Variants in PRH1 observed in about 807,000 individuals in gnomAD.
PRH1 encodes the protein salivary acidic proline-rich phosphoprotein 1/2.
A neutral mutation model predicts 7.9 loss-of-function variants in PRH1; 7 were observed. That is an observed-to-expected ratio of 0.89 (90% CI 0.50 to 1.67). The LOEUF is 1.67. PRH1 is among the 40% of genes most tolerant of loss of function. The pLI, the probability that PRH1 is intolerant of heterozygous loss-of-function variation, is 0.00. For synonymous variants in PRH1, 45 were observed against 80.8 expected (o/e 0.56, Z 2.38); for missense variants, 109 against 223.6 (o/e 0.49, Z 3.27).
intron 2 of PRH1, among the ~76,000 whole-genome samples, chr12:10,900,579 G>A (rs529945993): frequency 4.6e-5 from 7 of 152,294 alleles, no homozygotes; most frequent in Admixed American, 3.3e-4. Flanking sequence ...CCTGGGGCAG[G>A]AGGGGAGCTG....
At chr12:11,061,566 C>T (rs749529200) in intron 1 of PRH1, 3 of 1,613,940 alleles carry the variant, frequency 1.9e-6, no homozygotes, top group Admixed American at 3.3e-5. Flanking sequence ...TGATTATGGA[C>T]AGAAAGTAAA....
intron 1 of PRH1, chr12:11,031,456 T>C (rs1942214078): frequency 8.6e-6 from 10 of 1,167,888 alleles, no homozygotes; most frequent in Non-Finnish European, 1.2e-5. Context: ...ACGGTGAGTG[T>C]TGCTGCTCTT....
At chr12:10,928,558 A>G (rs932143680) in intron 2 of PRH1, among the ~76,000 whole-genome samples, 1 of 152,148 alleles carries the variant, frequency 6.6e-6, no homozygotes, top group Non-Finnish European at 1.5e-5. Context: ...TAAAATACAA[A>G]TTTTTTAGCT....
chr12:11,055,447 T>G (rs1443431594), intron 1 of PRH1, among the ~76,000 whole-genome samples: 1 of 152,298 alleles, frequency 6.6e-6, no homozygotes, highest in Non-Finnish European at 1.5e-5. Context: ...GATTTCTGAT[T>G]GTGCAGTAAT....
At chr12:10,986,853 G>GT in intron 1 of PRH1, 1 of 1,528,406 alleles carries the variant, frequency 6.5e-7, no homozygotes, top group African/African-American at 1.4e-5. Flanking sequence ...GTATAGAAAA[G>GT]TTATCATATC....
chr12:11,166,993 C>T (rs1052149160), intron 1 of PRH1, among the ~76,000 whole-genome samples: 1 of 152,184 alleles, frequency 6.6e-6, no homozygotes, highest in Non-Finnish European at 1.5e-5. Context: ...TTTTTAAGGG[C>T]TCATATGATT....
chr12:11,015,983 C>G (rs908009060), intron 1 of PRH1, among the ~76,000 whole-genome samples: 31 of 151,864 alleles, frequency 2.0e-4, no homozygotes, highest in Admixed American at 1.8e-3. Flanking sequence ...TGAGAATTGA[C>G]AGTCAATTTG....
At chr12:11,012,871 A>G (rs563940513) in intron 1 of PRH1, among the ~76,000 whole-genome samples, 2 of 152,170 alleles carry the variant, frequency 1.3e-5, no homozygotes, top group South Asian at 4.2e-4. Flanking sequence ...TCCATTTTTG[A>G]GCAGAATACA....
chr12:11,058,671 G>C (rs1354330553), intron 1 of PRH1, among the ~76,000 whole-genome samples: 1 of 152,292 alleles, frequency 6.6e-6, no homozygotes, highest in African/African-American at 2.4e-5. Flanking sequence ...TGATCCAGCA[G>C]AATTCAAAGC....
At chr12:11,102,138 T>C (rs1040246393) in intron 1 of PRH1, among the ~76,000 whole-genome samples, 1 of 152,126 alleles carries the variant, frequency 6.6e-6, no homozygotes, top group Non-Finnish European at 1.5e-5. Flanking sequence ...ATAGATTCAA[T>C]GCCATCCCCA....
At position 11,110,012 on chromosome 12, in the gene PRH1, T is replaced by C. The variant is rs1198812277; in HGVS notation, n.123+61410A>G. Among the ~76,000 whole-genome samples, 3 of 151,990 alleles carry C rather than the reference T, an allele frequency of 2.0e-5. No homozygotes were observed. The South Asian group carries it at 6.2e-4, about 32-fold the overall frequency. On this transcript the variant is annotated intron_variant and non_coding_transcript_variant, in intron 1 of 4. Transcript: ENST00000541977. ...AGCTGAAAAGCACAGCATGAGAACT[T>C]TGTGAAGCATACACAAATATCAATA...
chr12:11,020,420 A>G (rs1941559376), intron 1 of PRH1, among the ~76,000 whole-genome samples: 1 of 146,408 alleles, frequency 6.8e-6, no homozygotes, highest in Non-Finnish European at 1.5e-5. Context: ...AGATACATAG[A>G]TATATATATG....
intron 1 of PRH1, among the ~76,000 whole-genome samples, chr12:11,108,252 G>A (rs944553472): frequency 6.6e-5 from 10 of 152,114 alleles, no homozygotes; most frequent in African/African-American, 2.2e-4. Context: ...TAAAACGTAC[G>A]GGTAATAGTA....
At chr12:10,955,221 A>C (rs933519145) in intron 2 of PRH1, among the ~76,000 whole-genome samples, 3 of 152,200 alleles carry the variant, frequency 2.0e-5, no homozygotes, top group African/African-American at 7.2e-5. Context: ...AAAGAAAACC[A>C]TACCAACCAC....
intron 1 of PRH1, among the ~76,000 whole-genome samples, chr12:11,072,353 T>C (rs1944112456): frequency 6.6e-6 from 1 of 152,066 alleles, no homozygotes; most frequent in South Asian, 2.1e-4. Flanking sequence ...CCAAGGTGGA[T>C]CTAATCAGTT....
intron 1 of PRH1, among the ~76,000 whole-genome samples, chr12:11,169,412 C>CT (rs1164917087): frequency 6.6e-6 from 1 of 152,176 alleles, no homozygotes; most frequent in African/African-American, 2.4e-5. Context: ...AGCTTTGTGA[C>CT]TGTTCTTTGC....
intron 1 of PRH1, among the ~76,000 whole-genome samples, chr12:11,039,261 CT>C (rs1332723547): frequency 6.6e-6 from 1 of 152,192 alleles, no homozygotes; most frequent in Non-Finnish European, 1.5e-5. Context: ...ACTTCTATTC[CT>C]GATTCCTAAG....
intron 1 of PRH1, among the ~76,000 whole-genome samples, chr12:11,071,564 A>C (rs540873315): frequency 6.6e-6 from 1 of 152,246 alleles, no homozygotes; most frequent in South Asian, 2.1e-4. Flanking sequence ...ACCTTTCATC[A>C]CTCACAGGCA....
rs372278920 is a variant in PRH1 at position 11,085,567 on chromosome 12, C to T, written n.124-38379G>A. 1.7e-4 allele frequency among the ~76,000 whole-genome samples: 20 copies of T among 116,266 alleles called. 4 individuals are homozygous for T. In the East Asian group the frequency reaches 2.1e-3, roughly 12 times the overall value. 76.3% of individuals were successfully genotyped at this position (116,266 alleles called of 152,430 possible). A position where few individuals can be genotyped will look rare whatever the true frequency, so the allele number is the denominator to read the frequency against. ...GTAATGTTCTGGTTCCTTTTAAATT[C>T]TCTGACTAATGTCAAAACGGAAAGC... On this transcript the variant is annotated intron_variant and non_coding_transcript_variant, in intron 1 of 4. Coordinates refer to the PRH1 transcript ENST00000541977.
Sources: allele counts gnomAD v4.1 joint callset (sites outside exome capture counted in the v4.1 genomes callset), GRCh38; gene constraint gnomAD v4.1.1; transcripts MANE v1.5; gene names NCBI Gene and HGNC (gene_info 2026-07-23, HGNC 2026-07-21).